Variants in OXNAD1 observed in about 807,000 individuals in gnomAD.
The protein encoded by OXNAD1 is oxidoreductase NAD-binding domain-containing protein 1.
In OXNAD1, 34 loss-of-function variants were observed where a neutral mutation model predicts 32.9. That is an observed-to-expected ratio of 1.03 (90% CI 0.79 to 1.38). OXNAD1 has a LOEUF of 1.38. OXNAD1 is among the 40% of genes most tolerant of loss of function. OXNAD1 has a pLI of 0.00. For missense variants in OXNAD1, 407 were observed against 379.4 expected (o/e 1.07, Z -0.60); for synonymous variants, 134 against 135.2 (o/e 0.99, Z 0.06).
At chr3:16,306,870 G>A (rs1015967974), downstream of OXNAD1, among the ~76,000 whole-genome samples, 3 of 151,734 alleles carry the variant, frequency 2.0e-5, no homozygotes, top group African/African-American at 4.9e-5. Flanking sequence ...CTGTTAAGAT[G>A]GATCAGTGGT....
In OXNAD1 at chr3:16,342,399, C is replaced by T. The variant is rs922568305; in HGVS notation, c.*31-6777C>T. Among the ~76,000 whole-genome samples the T allele has an allele frequency of 3.3e-5, 5 of 152,148 alleles. No individual in the cohort carries two copies. Among genetic ancestry groups the T allele is most frequent in the Non-Finnish European group, 7.3e-5 (5 of 68,036 alleles). On this transcript the variant is annotated intron_variant, in intron 9 of 9. Transcript: ENST00000606098. The surrounding 1 kb of genome is among the most constrained non-coding windows in gnomAD (Gnocchi z 4.0). ...TCCTTTTTATTGCAAAATAATATTC[C>T]ATCATATGGATATACCATAGTTTAT...
At chr3:16,291,656 A>G (rs1021961399) in intron 5 of OXNAD1, among the ~76,000 whole-genome samples, 6 of 152,190 alleles carry the variant, frequency 3.9e-5, no homozygotes, top group Non-Finnish European at 8.8e-5. Flanking sequence ...GGACATTTAC[A>G]TTGTTTCCAC....
intron 4 of OXNAD1, among the ~76,000 whole-genome samples, chr3:16,285,428 T>C (rs2066008620): frequency 6.6e-6 from 1 of 152,234 alleles, no homozygotes; most frequent in Non-Finnish European, 1.5e-5. Context: ...CAAGTAAAGA[T>C]GAACAGACAT....
rs1201067689 is a variant in OXNAD1, at chr3:16,284,661, A to T, written c.184-1681A>T. Among the ~76,000 whole-genome samples, 1 of 152,228 alleles carries T rather than the reference A, an allele frequency of 6.6e-6. No homozygotes were observed. Among genetic ancestry groups the T allele is most frequent in the African/African-American group, 2.4e-5 (1 of 41,466 alleles). On this transcript the variant is annotated intron_variant, in intron 4 of 8. Coordinates refer to ENST00000285083, the MANE Select transcript of OXNAD1 (RefSeq NM_138381.5). The surrounding 1 kb of genome is among the most constrained non-coding windows in gnomAD (Gnocchi z 4.1). ...ACATTAATGAGTTCTGTGGGCCAGC[A>T]GCATTGTAAGTACTTTTGTCAGTAT...
At position 16,280,684 on chromosome 3, in the gene OXNAD1, G is replaced by A. The variant is rs2065675974; in HGVS notation, c.184-5658G>A. Among the ~76,000 whole-genome samples the A allele has an allele frequency of 1.3e-5, 2 of 151,944 alleles. No homozygotes were observed. The highest frequency in any genetic ancestry group is 4.8e-5 in the African/African-American group (2 of 41,328). The stretch of plus-strand genomic sequence containing the variant: ...AAAATGAATGAACAGGAGTGAACAG[G>A]GAAAGCTAGCCAGGTTTCCAAAGAA... On this transcript the variant is annotated intron_variant, in intron 4 of 8. Coordinates refer to ENST00000285083, the MANE Select transcript of OXNAD1 (RefSeq NM_138381.5). The surrounding 1 kb of genome is among the most constrained non-coding windows in gnomAD (Gnocchi z 4.5).
Position 16,335,532 on chromosome 3 carries a change from G to A in OXNAD1, c.*31-1580G>A, listed in dbSNP as rs1036143044. Among the ~76,000 whole-genome samples, 10 of 152,182 alleles carry A rather than the reference G, an allele frequency of 6.6e-5. No homozygotes were observed. The highest frequency in any genetic ancestry group is 1.3e-4 in the Admixed American group (2 of 15,264). On this transcript the variant is annotated intron_variant, in intron 9 of 9. Transcript: ENST00000435829. The surrounding 1 kb of genome is among the most constrained non-coding windows in gnomAD (Gnocchi z 4.7). ...AGGAACAGAAAATCAAACACCACAT[G>A]TTCTCACTTACAAGTGGGAGAGCTG...
At position 16,271,326 on chromosome 3, in the gene OXNAD1, C is replaced by T. The variant is rs2064921966; in HGVS notation, c.119+255C>T. 5.6e-6 allele frequency: 3 copies of T among 539,882 alleles called. No homozygotes were observed. Among genetic ancestry groups the T allele is most frequent in the Non-Finnish European group, 9.7e-6 (3 of 308,922 alleles). The allele number at this position is 539,882 out of a possible 1,614,324, so 33.4% of individuals were successfully genotyped here. The stretch of plus-strand genomic sequence containing the variant: ...TCAAGTGATTCTCCTGTCTTAGCCT[C>T]CCGAGTAGCTGGGATTACAGGCGTG... On this transcript the variant is annotated intron_variant, in intron 3 of 8. Transcript: ENST00000285083. This position sits in a 1 kb window ranked among gnomAD's most constrained non-coding sequence, Gnocchi z 4.6.
At position 16,271,252 on chromosome 3, in the gene OXNAD1, G is replaced by A; in HGVS notation, c.119+181G>A. 3 of 690,118 alleles carry A rather than the reference G, an allele frequency of 4.3e-6. No individual in the cohort carries two copies. Among genetic ancestry groups the A allele is most frequent in the African/African-American group, 1.8e-5 (1 of 55,484 alleles). 42.7% of individuals were successfully genotyped at this position (690,118 alleles called of 1,614,324 possible). Reference sequence around the variant, plus strand: ...GGAGTCTTGCTCCGTCGCCTGGGCTGGAGTGCAGTGGCACGATCTTAGCTC... The same window carrying A: ...GGAGTCTTGCTCCGTCGCCTGGGCTAGAGTGCAGTGGCACGATCTTAGCTC... On this transcript the variant is annotated intron_variant, in intron 3 of 8. Transcript: ENST00000285083. This position sits in a 1 kb window ranked among gnomAD's most constrained non-coding sequence, Gnocchi z 4.6.
rs574206689 is a variant in OXNAD1, at chr3:16,328,602, C to T, written c.*31-8510C>T. On this transcript the variant is annotated intron_variant, in intron 9 of 9. Transcript: ENST00000435829. ...GTATAAAATGGGTACTGGTCTATGT[C>T]GGTTCCCAAAGCATGGCCCGAGCCG... Among the ~76,000 whole-genome samples, 16 of 152,346 alleles carry T rather than the reference C, an allele frequency of 1.1e-4. 1 individual carries two copies. The highest frequency in any genetic ancestry group is 4.1e-4 in the South Asian group (2 of 4,822).
At position 16,301,667 on chromosome 3, in the gene OXNAD1, G is replaced by A; in HGVS notation, c.474G>A (p.Glu158=). 1 of 1,613,926 alleles carries A rather than the reference G, an allele frequency of 6.2e-7. No individual in the cohort carries two copies. The highest frequency in any genetic ancestry group is 1.3e-5 in the African/African-American group (1 of 75,038). Residue 158 remains glutamate, a synonymous_variant, in exon 7 of 9, where the codon GAG becomes GAA. Coordinates refer to ENST00000285083, the MANE Select transcript of OXNAD1 (RefSeq NM_138381.5). This position sits in a 1 kb window ranked among gnomAD's most constrained non-coding sequence, Gnocchi z 4.1. ...AAGTGGCTGTGAGAGTGGGTGGAGA[G>A]TTCTTCTTTGACCCTCAGCCTGCGG... ...DCEVAVRVGG[E]FFFDPQPADA...
intron 9 of OXNAD1, among the ~76,000 whole-genome samples, chr3:16,343,204 C>T (rs977681476): frequency 5.9e-5 from 9 of 152,130 alleles, no homozygotes; most frequent in Non-Finnish European, 7.4e-5. Flanking sequence ...GGAACCACTG[C>T]GCTAGTCCTT....
At position 16,303,556 on chromosome 3, in the gene OXNAD1, G is replaced by A; in HGVS notation, c.933G>A (p.Trp311Ter). Reference protein sequence around the residue: ...VPKEHICFEKWW With the variant: ...VPKEHICFEK ...AAGAACACATTTGCTTTGAGAAGTGGTGGTAGGAGGCAGACAAAGGCAGAA... is the reference window on the plus strand; with the variant it reads ...AAGAACACATTTGCTTTGAGAAGTGATGGTAGGAGGCAGACAAAGGCAGAA... Residue 311 changes from tryptophan to a stop codon, truncating the protein, a stop_gained, in exon 9 of 9, where the codon TGG (tryptophan) becomes TGA (stop). Transcript: ENST00000285083. LOFTEE classifies it high-confidence loss of function. This position sits in a 1 kb window ranked among gnomAD's most constrained non-coding sequence, Gnocchi z 4.8. 1.2e-6 allele frequency: 2 copies of A among 1,613,794 alleles called. No individual in the cohort carries two copies. The highest frequency in any genetic ancestry group is 1.7e-6 in the Non-Finnish European group (2 of 1,179,862).
chr3:16,337,887 C>G (rs556347599), downstream of OXNAD1, among the ~76,000 whole-genome samples: 4 of 152,296 alleles, frequency 2.6e-5, no homozygotes, highest in East Asian at 3.9e-4. This position sits in a 1 kb window ranked among gnomAD's most constrained non-coding sequence, Gnocchi z 5.0. Context: ...AGGCCGGACA[C>G]TTTGGCCTTG....
At chr3:16,293,939 T>A (rs2066593706) in intron 5 of OXNAD1, among the ~76,000 whole-genome samples, 1 of 152,236 alleles carries the variant, frequency 6.6e-6, no homozygotes, top group East Asian at 1.9e-4. Context: ...TTTATTCTAC[T>A]GAGTGGTGTA....
At chr3:16,308,750 G>A (rs535348337), downstream of OXNAD1, among the ~76,000 whole-genome samples, 3 of 152,102 alleles carry the variant, frequency 2.0e-5, no homozygotes, top group Non-Finnish European at 4.4e-5. This position sits in a 1 kb window ranked among gnomAD's most constrained non-coding sequence, Gnocchi z 4.4. Flanking sequence ...TATAGTTGTT[G>A]AGCAGCCATC....
At chr3:16,283,634 A>G (rs966450860) in intron 4 of OXNAD1, among the ~76,000 whole-genome samples, 1 of 152,204 alleles carries the variant, frequency 6.6e-6, no homozygotes, top group African/African-American at 2.4e-5. Flanking sequence ...CAGAAAAGTA[A>G]TGATGAGTTG....
intron 9 of OXNAD1, among the ~76,000 whole-genome samples, chr3:16,315,205 T>TC (rs1477134346): frequency 2.0e-5 from 3 of 152,152 alleles, no homozygotes; most frequent in Admixed American, 6.5e-5. Flanking sequence ...AATCTCTGCC[T>TC]CCCAGGTTCA....
chr3:16,281,642 C>G (rs903950183), intron 4 of OXNAD1, among the ~76,000 whole-genome samples: 1 of 152,142 alleles, frequency 6.6e-6, no homozygotes, highest in African/African-American at 2.4e-5. Flanking sequence ...GAAAGTATAG[C>G]TTGTTTCCTT....
At chr3:16,283,759 G>C (rs2065902986) in intron 4 of OXNAD1, among the ~76,000 whole-genome samples, 1 of 152,164 alleles carries the variant, frequency 6.6e-6, no homozygotes, top group Non-Finnish European at 1.5e-5. Flanking sequence ...GAAGAAGTGA[G>C]AGAAGGAATG....
Sources: gnomAD v4.1 joint callset for allele counts (sites outside exome capture counted in the v4.1 genomes callset) on GRCh38, gnomAD v4.1.1 for gene constraint, Gnocchi (gnomAD v3.1) non-coding constraint, MANE v1.5 for transcripts, NCBI Gene and HGNC (gene_info 2026-07-23, HGNC 2026-07-21) for gene names.